DLGAP2: variants seen among roughly 807,000 people sequenced by gnomAD.
DLGAP2 encodes the protein DLG associated protein 2.
DLGAP2 carries 26 observed loss-of-function variants against 100.3 expected under a neutral mutation model. The ratio of observed to expected loss-of-function variants is 0.26; its 90% confidence interval spans 0.19 to 0.36. The LOEUF is 0.36. Ranked by LOEUF, DLGAP2 falls within the 10% of genes least tolerant of loss-of-function variation. The probability of loss-of-function intolerance (pLI) is 1.00; values close to 1 mark genes in which losing one functional copy is unlikely to be tolerated. For missense variants in DLGAP2, 1,858 were observed against 1,453.2 expected (o/e 1.28, Z -4.53); for synonymous variants, 886 against 630.1 (o/e 1.41, Z -6.08).
chr8:1,182,940 G>A (rs1797422451), intron 2 of DLGAP2, among the ~76,000 whole-genome samples: 1 of 152,118 alleles, frequency 6.6e-6, no homozygotes, highest in Non-Finnish European at 1.5e-5. Context: ...GGCATGGGTG[G>A]GAGACGCGCA....
intron 2 of DLGAP2, among the ~76,000 whole-genome samples, chr8:1,063,712 A>C (rs1017277170): frequency 6.6e-6 from 1 of 151,896 alleles, no homozygotes; most frequent in African/African-American, 2.4e-5. Context: ...AAAATGTTAT[A>C]CTCTGTACAG....
intron 3 of DLGAP2, among the ~76,000 whole-genome samples, chr8:1,494,849 G>A (rs917796638): frequency 1.3e-5 from 2 of 152,148 alleles, no homozygotes; most frequent in East Asian, 1.9e-4. Context: ...TCAGCTTCAC[G>A]GAGATCTAAC....
At chr8:913,412 T>C (rs1454074580) in intron 2 of DLGAP2, among the ~76,000 whole-genome samples, 5 of 152,226 alleles carry the variant, frequency 3.3e-5, no homozygotes, top group African/African-American at 1.2e-4. Flanking sequence ...CCTACGGGCC[T>C]GTCTCAAAGG....
chr8:820,344 T>C (rs1367703296), intron 1 of DLGAP2, among the ~76,000 whole-genome samples: 5 of 152,208 alleles, frequency 3.3e-5, no homozygotes, highest in African/African-American at 1.2e-4. Context: ...ACTGATAGAT[T>C]TGGACACATG....
At chr8:830,600 A>G (rs1343888297) in intron 1 of DLGAP2, among the ~76,000 whole-genome samples, 2 of 152,238 alleles carry the variant, frequency 1.3e-5, no homozygotes, top group East Asian at 3.9e-4. Flanking sequence ...TATTTAAGTT[A>G]CGGGTGCTAC....
chr8:1,499,130 G>C (rs1367451516), intron 3 of DLGAP2, among the ~76,000 whole-genome samples: 1 of 152,254 alleles, frequency 6.6e-6, no homozygotes. Context: ...TTGGAGTGCT[G>C]TTCTCAAGAT....
At chr8:904,852 C>T (rs529845265) in intron 1 of DLGAP2, among the ~76,000 whole-genome samples, 1 of 152,184 alleles carries the variant, frequency 6.6e-6, no homozygotes, top group East Asian at 1.9e-4. Context: ...TTAAAAGTGC[C>T]TTTGGGCAAT....
intron 8 of DLGAP2, among the ~76,000 whole-genome samples, chr8:1,645,560 G>A (rs919865636): frequency 5.9e-5 from 9 of 152,162 alleles, no homozygotes; most frequent in African/African-American, 2.2e-4. Context: ...TCCCTGTAAT[G>A]ATGCAAAATA....
intron 2 of DLGAP2, among the ~76,000 whole-genome samples, chr8:1,242,567 A>G (rs1253939497): frequency 6.6e-6 from 1 of 152,200 alleles, no homozygotes; most frequent in African/African-American, 2.4e-5. Context: ...CCCCCAGTGC[A>G]GAAGGAGGCC....
chr8:1,142,453 A>G (rs2129050617), intron 2 of DLGAP2, among the ~76,000 whole-genome samples: 1 of 152,358 alleles, frequency 6.6e-6, no homozygotes, highest in African/African-American at 2.4e-5. Context: ...TTAGAAGGGA[A>G]GCCAGTGTTC....
intron 2 of DLGAP2, among the ~76,000 whole-genome samples, chr8:1,200,494 C>T (rs1260925788): frequency 1.3e-5 from 2 of 152,300 alleles, no homozygotes; most frequent in African/African-American, 2.4e-5. Context: ...GCCTCGTGCT[C>T]CTCGGGGGCT....
intron 2 of DLGAP2, among the ~76,000 whole-genome samples, chr8:1,240,692 G>GGTTCTCTCACATGGTGACGTGTCTA (rs1798769289): frequency 2.2e-5 from 3 of 138,312 alleles, no homozygotes; most frequent in Admixed American, 7.2e-5. Context: ...CGCCATGTCT[G>GGTTCTCTCACATGGTGACGTGTCTA]GTTCTCTCAC....
chr8:1,533,401 C>T (rs34831613), intron 4 of DLGAP2, among the ~76,000 whole-genome samples: 23,090 of 151,412 alleles, frequency 0.15, 1,914 homozygotes, highest in Non-Finnish European at 0.17. Context: ...AGCTACTCGG[C>T]AGGCTGAGGC....
intron 1 of DLGAP2, among the ~76,000 whole-genome samples, chr8:792,254 C>T (rs1385763707): frequency 6.6e-6 from 1 of 152,140 alleles, no homozygotes; most frequent in Non-Finnish European, 1.5e-5. Context: ...AAAATCGTGG[C>T]ATTGTATTAT....
intron 1 of DLGAP2, among the ~76,000 whole-genome samples, chr8:744,065 A>G (rs557062878): frequency 4.6e-5 from 7 of 152,336 alleles, no homozygotes; most frequent in Admixed American, 3.9e-4. Context: ...TAGCTGAAGG[A>G]AGTGACTTGT....
chr8:1,616,829 C>T (rs992649790), intron 6 of DLGAP2, among the ~76,000 whole-genome samples: 4 of 151,988 alleles, frequency 2.6e-5, no homozygotes, highest in African/African-American at 7.3e-5. Flanking sequence ...CAGATTATTT[C>T]GTCATCCAGG....
intron 1 of DLGAP2, among the ~76,000 whole-genome samples, chr8:823,125 G>A (rs1796617423): frequency 6.6e-6 from 1 of 151,986 alleles, no homozygotes. Context: ...GTCTCACTTG[G>A]TGGCAGCTTC....
intron 2 of DLGAP2, among the ~76,000 whole-genome samples, chr8:1,228,922 T>C (rs1005572121): frequency 6.6e-6 from 1 of 152,178 alleles, no homozygotes; most frequent in African/African-American, 2.4e-5. Context: ...CTGGAGGTTC[T>C]AGGCAGGAAA....
intron 3 of DLGAP2, among the ~76,000 whole-genome samples, chr8:1,361,923 CCTG>C (rs1563105655): frequency 6.6e-6 from 1 of 152,200 alleles, no homozygotes; most frequent in African/African-American, 2.4e-5. Context: ...GCTGCCCCAG[CCTG>C]GCAGGTCTCC....
Sources: allele counts gnomAD v4.1 joint callset (sites outside exome capture counted in the v4.1 genomes callset), GRCh38; gene constraint gnomAD v4.1.1; transcripts MANE v1.5; gene names NCBI Gene and HGNC (gene_info 2026-07-23, HGNC 2026-07-21).